The following DPH6 variants were observed in gnomAD, a reference collection of about 807,000 sequenced individuals.
DPH6 encodes the protein diphthamine biosynthesis 6.
DPH6 carries 33 observed loss-of-function variants against 38.2 expected under a neutral mutation model. That is an observed-to-expected ratio of 0.86 (90% CI 0.65 to 1.15). The LOEUF is 1.15. Ranked by LOEUF, DPH6 falls within the 50% of genes most tolerant of loss-of-function variation. DPH6 has a pLI of 0.00. For missense variants in DPH6, 325 were observed against 320.0 expected (o/e 1.02, Z -0.12); for synonymous variants, 108 against 103.0 (o/e 1.05, Z -0.30).
chr15:35,383,057 T>C (rs1161100989), intron 6 of DPH6, among the ~76,000 whole-genome samples: 1 of 152,218 alleles, frequency 6.6e-6, no homozygotes, highest in Admixed American at 6.5e-5. Flanking sequence ...ATGAACTTTC[T>C]AATTACACCT....
At chr15:35,413,362 T>C (rs1327220991) in intron 5 of DPH6, among the ~76,000 whole-genome samples, 1 of 151,672 alleles carries the variant, frequency 6.6e-6, no homozygotes, top group East Asian at 1.9e-4. Flanking sequence ...GAACCATCAG[T>C]TTCTAATAAT....
intron 3 of DPH6, among the ~76,000 whole-genome samples, chr15:35,537,917 A>G (rs1181148447): frequency 6.6e-6 from 1 of 152,086 alleles, no homozygotes; most frequent in Admixed American, 6.6e-5. Flanking sequence ...TTCTATCCCC[A>G]GTGTCTAGCA....
In DPH6 at chr15:35,220,425, A is replaced by C. The variant is rs547578590; in HGVS notation, n.358T>G. ...AGTAATTTATTAAGAACAGAAATGA[A>C]TTGGCTCATAGTAGGATCTGTAATA... On this transcript the variant is annotated non_coding_transcript_exon_variant, in exon 4 of 4. Coordinates refer to the DPH6 transcript ENST00000560386. 2.0e-5 allele frequency: 3 copies of C among 152,270 alleles called. No individual in the cohort carries two copies. In the East Asian group the frequency reaches 5.8e-4, roughly 30 times the overall value. The allele number at this position is 152,270 out of a possible 1,614,324, so 9.4% of individuals were successfully genotyped here.
chr15:35,328,376 T>C (rs1026299795), downstream of DPH6, among the ~76,000 whole-genome samples: 5 of 152,138 alleles, frequency 3.3e-5, no homozygotes, highest in Admixed American at 2.6e-4. Flanking sequence ...TCTCTCTCTC[T>C]CCTCTACTTT....
In DPH6 at chr15:35,372,161, A is replaced by G. The variant is rs1595506594; in HGVS notation, c.793T>C (p.Tyr265His). ...PDNYRTSNYIYNF is the reference protein window; with the variant it reads ...PDNYRTSNYIHNF ...TTCCAAAACACTTTTCAAAAATTATATATATAATTAGATGTTCTGTAGTTG... is the reference window on the plus strand; with the variant it reads ...TTCCAAAACACTTTTCAAAAATTATGTATATAATTAGATGTTCTGTAGTTG... Residue 265 changes from tyrosine to histidine, a missense_variant, in exon 9 of 9, where the codon TAT becomes CAT. Tyr to His is a moderately conservative substitution (Grantham distance 83). Transcript: ENST00000256538. 6.6e-7 allele frequency: 1 copy of G among 1,522,926 alleles called. No individual in the cohort carries two copies. The highest frequency in any genetic ancestry group is 2.5e-5 in the East Asian group (1 of 40,176). The allele number at this position is 1,522,926 out of a possible 1,614,324, so 94.3% of individuals were successfully genotyped here.
At chr15:35,508,063 G>A (rs1405709207) in intron 3 of DPH6, among the ~76,000 whole-genome samples, 3 of 151,650 alleles carry the variant, frequency 2.0e-5, no homozygotes, top group South Asian at 2.1e-4. Flanking sequence ...CTGACTGAAA[G>A]TAAGAGGCTC....
intron 3 of DPH6, among the ~76,000 whole-genome samples, chr15:35,260,035 A>G (rs2051735707): frequency 6.6e-6 from 1 of 152,214 alleles, no homozygotes; most frequent in Non-Finnish European, 1.5e-5. Flanking sequence ...GATAATTACT[A>G]TTTTAGAGTA....
At chr15:35,167,548 T>C in the DPH6 span, among the ~76,000 whole-genome samples, 2 of 135,442 alleles carry the variant, frequency 1.5e-5, no homozygotes, top group Admixed American at 8.2e-5. Context: ...TTCTGTTCCA[T>C]ACAGAGATTT....
chr15:35,415,751 G>A (rs945481807), intron 5 of DPH6, among the ~76,000 whole-genome samples: 2 of 151,840 alleles, frequency 1.3e-5, no homozygotes, highest in Admixed American at 6.6e-5. Flanking sequence ...TTATTCTTGG[G>A]CTAAGCACTA....
chr15:35,297,017 C>A (rs1194566036), intron 3 of DPH6, among the ~76,000 whole-genome samples: 2 of 152,156 alleles, frequency 1.3e-5, no homozygotes, highest in East Asian at 1.9e-4. Flanking sequence ...ATATGCTGCA[C>A]CTTCCCTAGG....
chr15:35,375,429 T>C (rs2052767110), intron 7 of DPH6, among the ~76,000 whole-genome samples: 2 of 152,084 alleles, frequency 1.3e-5, no homozygotes, highest in African/African-American at 4.8e-5. Flanking sequence ...ATAATACCAC[T>C]CACTATTGCT....
At chr15:35,246,680 T>G (rs2051639790) in intron 3 of DPH6, among the ~76,000 whole-genome samples, 1 of 152,172 alleles carries the variant, frequency 6.6e-6, no homozygotes, top group African/African-American at 2.4e-5. Flanking sequence ...GCTTTAAAAC[T>G]CCAATTGATG....
intron 5 of DPH6, among the ~76,000 whole-genome samples, chr15:35,440,057 T>C (rs1049901766): frequency 2.6e-5 from 4 of 152,222 alleles, no homozygotes; most frequent in African/African-American, 9.6e-5. Flanking sequence ...CTTGCCTACA[T>C]TTTAGGCTTA....
intron 3 of DPH6, among the ~76,000 whole-genome samples, chr15:35,347,843 C>T (rs188694277): frequency 6.6e-6 from 1 of 152,122 alleles, no homozygotes; most frequent in East Asian, 1.9e-4. Flanking sequence ...TGATTACCAT[C>T]CCAATAGATA....
chr15:35,399,066 T>G (rs1163925188), intron 6 of DPH6, among the ~76,000 whole-genome samples: 1 of 152,168 alleles, frequency 6.6e-6, no homozygotes, highest in African/African-American at 2.4e-5. Flanking sequence ...TGCTCTTAAA[T>G]ATTAGCATAA....
intron 3 of DPH6, among the ~76,000 whole-genome samples, chr15:35,273,119 A>G (rs1361932325): frequency 2.0e-5 from 3 of 151,952 alleles, no homozygotes; most frequent in Non-Finnish European, 2.9e-5. Flanking sequence ...TAAATTACAC[A>G]GCCTAAGGTA....
intron 3 of DPH6, among the ~76,000 whole-genome samples, chr15:35,523,101 C>A (rs1456327846): frequency 6.6e-6 from 1 of 151,894 alleles, no homozygotes; most frequent in Non-Finnish European, 1.5e-5. Context: ...TGAGTTTTGC[C>A]AAATTACCGT....
At chr15:35,497,674 C>T (rs760080983) in intron 3 of DPH6, among the ~76,000 whole-genome samples, 18 of 152,090 alleles carry the variant, frequency 1.2e-4, no homozygotes, top group Non-Finnish European at 2.5e-4. Context: ...ATAAAAATGT[C>T]AAACAACCCT....
At chr15:35,192,281 T>C in the DPH6 span, among the ~76,000 whole-genome samples, 1 of 152,168 alleles carries the variant, frequency 6.6e-6, no homozygotes, top group Non-Finnish European at 1.5e-5. Flanking sequence ...AAGGGAATAA[T>C]AGTACCTAAC....
Sources: gnomAD v4.1 joint callset for allele counts (sites outside exome capture counted in the v4.1 genomes callset) on GRCh38, gnomAD v4.1.1 for gene constraint, MANE v1.5 for transcripts, NCBI Gene and HGNC (gene_info 2026-07-23, HGNC 2026-07-21) for gene names.